CARMIL1: variants seen among roughly 807,000 people sequenced by gnomAD.
The protein encoded by CARMIL1 is capping protein regulator and myosin 1 linker 1, also known as F-actin-uncapping protein LRRC16A.
CARMIL1 carries 90 observed loss-of-function variants against 177.1 expected under a neutral mutation model. The ratio of observed to expected loss-of-function variants is 0.51; its 90% CI spans 0.43 to 0.61. The LOEUF is 0.61. CARMIL1 is among the 20% of genes least tolerant of loss of function. The pLI, the probability that CARMIL1 is intolerant of heterozygous loss-of-function variation, is 0.00. For synonymous variants in CARMIL1, 577 were observed against 606.2 expected, an observed-to-expected ratio of 0.95 and a Z score of 0.71; for missense variants, 1,380 against 1,667.0, an observed-to-expected ratio of 0.83 and a Z score of 3.00.
intron 2 of CARMIL1, among the ~76,000 whole-genome samples, chr6:25,345,851 A>G (rs1787454931): frequency 6.6e-6 from 1 of 152,172 alleles, no homozygotes; most frequent in Non-Finnish European, 1.5e-5. Context: ...TCCTGACCTC[A>G]AGTGATCTGA....
chr6:25,495,277 T>C (rs1340486841), intron 16 of CARMIL1, 62 bp downstream of exon 16: 3 of 1,141,836 alleles, frequency 2.6e-6, no homozygotes, highest in East Asian at 2.5e-5. Flanking sequence ...ACGAATGTGC[T>C]TGAGGGAAGG....
intron 2 of CARMIL1, among the ~76,000 whole-genome samples, chr6:25,412,248 A>G (rs970759549): frequency 6.6e-6 from 1 of 152,234 alleles, no homozygotes; most frequent in South Asian, 2.1e-4. Flanking sequence ...AACCCTCATC[A>G]TTCCATGAAG....
At chr6:25,547,028 A>C (rs867608083) in intron 26 of CARMIL1, among the ~76,000 whole-genome samples, 2 of 152,176 alleles carry the variant, frequency 1.3e-5, no homozygotes, top group South Asian at 2.1e-4. Flanking sequence ...ACTGCACTCC[A>C]GCCTGGGTAA....
rs546962412 is a variant in CARMIL1 at position 25,618,519 on chromosome 6, C to A, written c.3980-928C>A. ...GCTATGCTGGAGTACAGCATCCGAA[C>A]CTTTTCCCAAGGTATCATAGCAGTG... is the stretch of plus-strand genomic sequence containing the variant. On this transcript the variant is annotated intron_variant, in intron 36 of 36. Coordinates refer to ENST00000329474, the MANE Select transcript of CARMIL1 (RefSeq NM_017640.6). Among the ~76,000 whole-genome samples the A allele has an allele frequency of 1.5e-4, 23 of 152,312 alleles. No individual in the cohort carries two copies. The East Asian group carries it at 3.9e-3, about 26-fold the overall frequency.
At chr6:25,420,045 T>A in intron 2 of CARMIL1, 69 bp from the exon 3 acceptor site, 1 of 1,217,070 alleles carries the variant, frequency 8.2e-7, no homozygotes, top group East Asian at 2.3e-5. Flanking sequence ...TAAAGTCCCG[T>A]GGAAACACCA....
At chr6:25,361,022 C>T (rs548822948) in intron 2 of CARMIL1, among the ~76,000 whole-genome samples, 1 of 152,090 alleles carries the variant, frequency 6.6e-6, no homozygotes, top group African/African-American at 2.4e-5. Flanking sequence ...TGGGGGTGTG[C>T]TTGGTGAGTA....
At chr6:25,594,873 C>A (rs1814667311) in intron 32 of CARMIL1, among the ~76,000 whole-genome samples, 1 of 152,152 alleles carries the variant, frequency 6.6e-6, no homozygotes, top group Admixed American at 6.5e-5. Flanking sequence ...CCCCAAGATT[C>A]TTTTAGGGCT....
At chr6:25,465,355 C>T (rs979584917) in intron 8 of CARMIL1, among the ~76,000 whole-genome samples, 1 of 151,824 alleles carries the variant, frequency 6.6e-6, no homozygotes, top group African/African-American at 2.4e-5. Context: ...ATGGGGAAAC[C>T]CCATCCATAC....
At chr6:25,503,646 C>G (rs1476117051) in intron 17 of CARMIL1, among the ~76,000 whole-genome samples, 1 of 152,150 alleles carries the variant, frequency 6.6e-6, no homozygotes, top group Non-Finnish European at 1.5e-5. Flanking sequence ...TGCCTGTTCT[C>G]TATTTAGCTA....
intron 5 of CARMIL1, among the ~76,000 whole-genome samples, chr6:25,443,228 A>G (rs1365977805): frequency 2.0e-5 from 3 of 152,224 alleles, no homozygotes; most frequent in Non-Finnish European, 4.4e-5. Context: ...TTCTTTGCAT[A>G]ATATCTGCTT....
chr6:25,510,525 C>G lies in CARMIL1; in HGVS notation c.1496C>G (p.Ser499Cys), dbSNP rs928214545. Residue 499 changes from serine (S) to cysteine (C), a missense_variant, in exon 19 of 37, where the codon TCT becomes TGT. By Grantham distance (112) the Ser-to-Cys change is moderately radical (BLOSUM62 -1). Transcript: ENST00000329474. ...TTTCCAGGTTTAGAATCTGACCTAT[C>G]TACCTTAATAGTGTGGCTCAGTAAA... is the stretch of plus-strand genomic sequence containing the variant. ...ISDNGLESDL[S>C]TLIVWLSKNR... The G allele has an allele frequency of 6.5e-7, 1 of 1,549,742 alleles. No individual in the cohort carries two copies. The highest frequency in any genetic ancestry group is 1.2e-5 in the South Asian group (1 of 82,768).
chr6:25,609,217 A>C (rs937122121), intron 35 of CARMIL1, among the ~76,000 whole-genome samples: 2 of 152,062 alleles, frequency 1.3e-5, no homozygotes, highest in African/African-American at 4.8e-5. Flanking sequence ...CTGTAATCCC[A>C]ACACTTTGGG....
At chr6:25,585,141 G>A (rs752067301) in intron 31 of CARMIL1, among the ~76,000 whole-genome samples, 2 of 152,130 alleles carry the variant, frequency 1.3e-5, no homozygotes, top group Admixed American at 6.5e-5. Flanking sequence ...ATGATATCAC[G>A]CTGCTTACAG....
chr6:25,504,465 G>A (rs1238552163), intron 17 of CARMIL1, among the ~76,000 whole-genome samples: 1 of 151,924 alleles, frequency 6.6e-6, no homozygotes, highest in East Asian at 1.9e-4. Flanking sequence ...TACACTTCAT[G>A]CTATTAAAAA....
At chr6:25,475,966 C>G (rs73393867) in intron 11 of CARMIL1, among the ~76,000 whole-genome samples, 1,941 of 152,338 alleles carry the variant, frequency 0.013, 41 homozygotes, top group African/African-American at 0.042. Flanking sequence ...CTTGCTTCCT[C>G]TCATCCCCAC....
At chr6:25,362,898 G>A (rs1789374899) in intron 2 of CARMIL1, among the ~76,000 whole-genome samples, 1 of 152,208 alleles carries the variant, frequency 6.6e-6, no homozygotes, top group Non-Finnish European at 1.5e-5. Flanking sequence ...AGCTGGGCAT[G>A]ATGGCACATG....
At chr6:25,442,051 A>AGG (rs1193384788) in intron 5 of CARMIL1, among the ~76,000 whole-genome samples, 1 of 152,114 alleles carries the variant, frequency 6.6e-6, no homozygotes, top group Non-Finnish European at 1.5e-5. Flanking sequence ...GCAAAGCAGT[A>AGG]GGTAGCCTTT....
At chr6:25,459,254 CTTTCTTTCTTTCTTTTTTTT>C (rs1799853809) in intron 8 of CARMIL1, among the ~76,000 whole-genome samples, 2 of 110,180 alleles carry the variant, frequency 1.8e-5, no homozygotes, top group African/African-American at 7.2e-5. Context: ...TTCTTTCTTT[CTTTCTTTCTTTCTTTTTTTT>C]TTTTTTAAGA....
At chr6:25,535,809 G>GT (rs776868364) in intron 24 of CARMIL1, among the ~76,000 whole-genome samples, 2 of 152,106 alleles carry the variant, frequency 1.3e-5, no homozygotes, top group African/African-American at 2.4e-5. Flanking sequence ...ATCTTAAATA[G>GT]TTTACCTTTT....
Sources: allele counts gnomAD v4.1 joint callset (sites outside exome capture counted in the v4.1 genomes callset), GRCh38; gene constraint gnomAD v4.1.1; transcripts MANE v1.5; gene names NCBI Gene and HGNC (gene_info 2026-07-23, HGNC 2026-07-21).